Variants in NCKAP5 observed in about 807,000 individuals in gnomAD.
NCKAP5 encodes the protein NCK associated protein 5.
A neutral mutation model predicts 167.0 loss-of-function variants in NCKAP5; 92 were observed. The observed-to-expected ratio is 0.55, with a 90% CI of 0.47 to 0.66. NCKAP5 has a LOEUF of 0.66. NCKAP5 is among the 30% of genes least tolerant of loss of function. NCKAP5 has a pLI of 0.00. For synonymous variants in NCKAP5, 891 were observed against 877.4 expected (o/e 1.02, Z -0.27); for missense variants, 2,378 against 2,315.0 (o/e 1.03, Z -0.56).
chr2:133,296,672 A>G (rs1408144414), intron 4 of NCKAP5, among the ~76,000 whole-genome samples: 2 of 152,228 alleles, frequency 1.3e-5, no homozygotes, highest in African/African-American at 4.8e-5. Flanking sequence ...GTGCTGAGTA[A>G]TCTTAAATAC....
At chr2:133,065,596 G>A (rs1345348423) in intron 6 of NCKAP5, among the ~76,000 whole-genome samples, 1 of 152,184 alleles carries the variant, frequency 6.6e-6, no homozygotes, top group Non-Finnish European at 1.5e-5. Flanking sequence ...CTGCACTCCA[G>A]CCTGGCGACA....
At chr2:133,308,829 G>C (rs935013985) in intron 3 of NCKAP5, among the ~76,000 whole-genome samples, 10 of 145,614 alleles carry the variant, frequency 6.9e-5, no homozygotes, top group African/African-American at 2.0e-4. Flanking sequence ...TCCTGCCTCA[G>C]CCTCCCGAGT....
chr2:133,381,168 G>A (rs755553464), intron 3 of NCKAP5, among the ~76,000 whole-genome samples: 38 of 152,140 alleles, frequency 2.5e-4, no homozygotes, highest in Non-Finnish European at 3.7e-4. Context: ...ATCTCAGGAC[G>A]AGGATGACAA....
At chr2:132,978,719 C>G (rs944594365) in intron 7 of NCKAP5, among the ~76,000 whole-genome samples, 1 of 152,108 alleles carries the variant, frequency 6.6e-6, no homozygotes. Flanking sequence ...GAAACATGGC[C>G]TGTGGTCTTG....
At chr2:133,336,313 G>T (rs1683203060) in intron 3 of NCKAP5, among the ~76,000 whole-genome samples, 1 of 152,010 alleles carries the variant, frequency 6.6e-6, no homozygotes, top group Admixed American at 6.6e-5. Flanking sequence ...TTTAATTTGT[G>T]ATCGCACACC....
At chr2:132,894,630 T>C (rs956500323) in intron 8 of NCKAP5, among the ~76,000 whole-genome samples, 8 of 152,200 alleles carry the variant, frequency 5.3e-5, no homozygotes, top group Non-Finnish European at 1.0e-4. Context: ...AGGATGAATA[T>C]TGTCCCTTTG....
At chr2:133,659,403 A>G in the NCKAP5 span, among the ~76,000 whole-genome samples, 80 of 152,360 alleles carry the variant, frequency 5.3e-4, no homozygotes, top group African/African-American at 1.9e-3. Context: ...AAGAAACATA[A>G]GAGTATATCT....
chr2:132,838,359 C>T (rs1401100559), intron 11 of NCKAP5, among the ~76,000 whole-genome samples: 6 of 152,080 alleles, frequency 3.9e-5, no homozygotes, highest in African/African-American at 9.7e-5. Context: ...GGGCCGGGCG[C>T]GGTGGTTCAC....
chr2:133,087,588 C>T (rs746761620), intron 6 of NCKAP5, among the ~76,000 whole-genome samples: 16 of 152,288 alleles, frequency 1.1e-4, no homozygotes, highest in Non-Finnish European at 2.2e-4. Flanking sequence ...GGCTATTTCC[C>T]TCCAAACATT....
At chr2:132,952,454 C>T (rs541194309) in intron 8 of NCKAP5, among the ~76,000 whole-genome samples, 2 of 152,258 alleles carry the variant, frequency 1.3e-5, no homozygotes, top group African/African-American at 4.8e-5. Flanking sequence ...TCACAGACCC[C>T]CCCCACTCCT....
chr2:132,790,077 C>T lies in NCKAP5; in HGVS notation c.1038G>A (p.Glu346=), dbSNP rs760592237. The T allele has an allele frequency of 4.3e-6, 7 of 1,613,200 alleles. No individual in the cohort carries two copies. Among genetic ancestry groups the T allele is most frequent in the Non-Finnish European group, 5.9e-6 (7 of 1,179,620 alleles). ...SELSLSSTCS[E]YSSGSSYTWH... is the part of the protein sequence containing the mutation. ...ACGTGTAGGAGGAGCCACTGGAGTA[C>T]TCGCTGCAGGTGCTTGAAAGAGACA... Residue 346 remains glutamate (E), a synonymous_variant, in exon 13 of 20, where the codon GAG becomes GAA. Transcript: ENST00000409261.
intron 3 of NCKAP5, among the ~76,000 whole-genome samples, chr2:133,378,766 A>T (rs1365434996): frequency 5.3e-5 from 8 of 152,214 alleles, no homozygotes; most frequent in Admixed American, 5.2e-4. Flanking sequence ...GTGCTGCTTA[A>T]CTGTTGTCTG....
chr2:132,795,831 A>C lies in NCKAP5; in HGVS notation c.909+797T>G, dbSNP rs934978828. 7.3e-4 allele frequency among the ~76,000 whole-genome samples: 109 copies of C among 149,980 alleles called. 2 individuals are homozygous for C. Among genetic ancestry groups the C allele is most frequent in the African/African-American group, 2.3e-3 (94 of 41,024 alleles). On this transcript the variant is annotated intron_variant, in intron 12 of 19. Coordinates refer to ENST00000409261, the MANE Select transcript of NCKAP5 (RefSeq NM_207363.3). Reference sequence around the variant, plus strand: ...GAGACCCCGTATCAGAAAAAAAAAAAAAAAAAACAAAAAAAACAAAAGAGA... The same window carrying C: ...GAGACCCCGTATCAGAAAAAAAAAACAAAAAAACAAAAAAAACAAAAGAGA...
chr2:132,751,306 C>T (rs1482569622), intron 16 of NCKAP5, among the ~76,000 whole-genome samples: 1 of 152,114 alleles, frequency 6.6e-6, no homozygotes, highest in African/African-American at 2.4e-5. Flanking sequence ...GTGGTGCCTG[C>T]TTCCCTTTGC....
At chr2:133,073,156 A>G (rs1453574804) in intron 6 of NCKAP5, among the ~76,000 whole-genome samples, 1 of 152,190 alleles carries the variant, frequency 6.6e-6, no homozygotes, top group African/African-American at 2.4e-5. Context: ...CAAACAGAAA[A>G]TCAAGGAAAT....
chr2:133,554,319 CT>C (rs1306185070), intron 2 of NCKAP5: 1 of 152,206 alleles, frequency 6.6e-6, no homozygotes, highest in Non-Finnish European at 1.5e-5. Context: ...TTCTCAGGTT[CT>C]GTCCTCACTT....
At chr2:132,747,455 G>C (rs1185611959) in intron 16 of NCKAP5, among the ~76,000 whole-genome samples, 1 of 147,978 alleles carries the variant, frequency 6.8e-6, no homozygotes, top group Admixed American at 6.7e-5. Context: ...TTCATTTTAT[G>C]GGGGAGGAAA....
chr2:132,768,396 C>T (rs998675761), intron 16 of NCKAP5, among the ~76,000 whole-genome samples: 8 of 152,042 alleles, frequency 5.3e-5, no homozygotes, highest in Non-Finnish European at 1.0e-4. Context: ...ATTGTTAACT[C>T]TAGTAGACAA....
chr2:133,045,252 G>C (rs1183236051), intron 6 of NCKAP5, among the ~76,000 whole-genome samples: 1 of 151,970 alleles, frequency 6.6e-6, no homozygotes, highest in African/African-American at 2.4e-5. Context: ...ACAGGGTCCA[G>C]CCAGAAAGAG....
Sources: gnomAD v4.1 joint callset for allele counts (sites outside exome capture counted in the v4.1 genomes callset) on GRCh38, gnomAD v4.1.1 for gene constraint, MANE v1.5 for transcripts, NCBI Gene and HGNC (gene_info 2026-07-23, HGNC 2026-07-21) for gene names.